Variants in SPTLC2 observed in about 807,000 individuals in gnomAD.
SPTLC2 encodes serine palmitoyltransferase long chain base subunit 2.
In SPTLC2, 21 loss-of-function variants were observed where a neutral mutation model predicts 62.0. The ratio of observed to expected loss-of-function variants is 0.34; its 90% CI spans 0.24 to 0.49. The LOEUF (loss-of-function observed/expected upper bound fraction) is 0.49. Among genes scored for constraint, SPTLC2 ranks in the 20% least tolerant of loss-of-function variants. The pLI, the probability that SPTLC2 is intolerant of heterozygous loss-of-function variation, is 0.99. For synonymous variants in SPTLC2, 261 were observed against 261.8 expected (o/e 1.00, Z 0.03); for missense variants, 511 against 713.0 (o/e 0.72, Z 3.23).
intron 2 of SPTLC2, among the ~76,000 whole-genome samples, chr14:77,593,666 T>C (rs1003234414): frequency 6.6e-6 from 1 of 152,214 alleles, no homozygotes; most frequent in African/African-American, 2.4e-5. Flanking sequence ...ATACGGTATT[T>C]CCTTACATCA....
intron 2 of SPTLC2, among the ~76,000 whole-genome samples, chr14:77,596,846 G>C (rs553649575): frequency 3.3e-5 from 5 of 152,302 alleles, no homozygotes; most frequent in South Asian, 2.1e-4. Flanking sequence ...AAAGAGCAAG[G>C]CTTTTTCACT....
chr14:77,534,361 T>C (rs1594975225), intron 9 of SPTLC2, among the ~76,000 whole-genome samples: 1 of 152,226 alleles, frequency 6.6e-6, no homozygotes, highest in East Asian at 1.9e-4. Context: ...ACATGACAAA[T>C]TCATATTGAT....
At chr14:77,555,075 G>A (rs2079575375) in intron 8 of SPTLC2, 2 of 577,204 alleles carry the variant, frequency 3.5e-6, no homozygotes, top group East Asian at 6.3e-5. Context: ...TCTCAGATCA[G>A]CATGTAGCTT....
At chr14:77,538,107 GCT>G (rs1319544446) in intron 9 of SPTLC2, among the ~76,000 whole-genome samples, 1 of 152,102 alleles carries the variant, frequency 6.6e-6, no homozygotes, top group Non-Finnish European at 1.5e-5. Context: ...ATTCTCTAAT[GCT>G]CTGATTTATA....
rs550104175 is a variant in SPTLC2, at chr14:77,538,556, G to T, written c.1303+13540C>A. Reference sequence around the variant, plus strand: ...TCTTCCTGAATTTCACTTATTAGTAGTTTTAATTTGGTTCTATATAAACTT... The same window carrying T: ...TCTTCCTGAATTTCACTTATTAGTATTTTTAATTTGGTTCTATATAAACTT... On this transcript the variant is annotated intron_variant, in intron 9 of 11. Coordinates refer to ENST00000216484, the MANE Select transcript of SPTLC2 (RefSeq NM_004863.4). 1.1e-4 allele frequency among the ~76,000 whole-genome samples: 17 copies of T among 152,228 alleles called. 1 individual carries two copies. In the East Asian group the frequency reaches 3.1e-3, roughly 28 times the overall value.
chr14:77,602,092 T>C (rs564725717), intron 1 of SPTLC2, among the ~76,000 whole-genome samples: 3 of 141,540 alleles, frequency 2.1e-5, no homozygotes, highest in East Asian at 4.5e-4. Context: ...TCTCCGTGTC[T>C]CTACCCTTCT....
chr14:77,531,352 G>A (rs925451805), intron 9 of SPTLC2, among the ~76,000 whole-genome samples: 2 of 152,042 alleles, frequency 1.3e-5, no homozygotes, highest in Admixed American at 6.6e-5. Flanking sequence ...TCAGGAAGAT[G>A]GTACTCTTCC....
intron 9 of SPTLC2, among the ~76,000 whole-genome samples, chr14:77,529,620 CTTTTTTTT>C (rs71452856): frequency 0.01 from 763 of 76,092 alleles, 22 homozygotes; most frequent in African/African-American, 0.029. Flanking sequence ...TTCTTTCTTT[CTTTTTTTT>C]TTTTTTTTTT....
At chr14:77,611,137 C>CAA (rs71128656) in intron 1 of SPTLC2, among the ~76,000 whole-genome samples, 53,161 of 126,056 alleles carry the variant, frequency 0.42, 10,922 homozygotes, top group East Asian at 0.63. Flanking sequence ...ACTAAAAATA[C>CAA]AAAAAAAAAA....
At chr14:77,608,000 G>A (rs935995373) in intron 1 of SPTLC2, among the ~76,000 whole-genome samples, 8 of 152,174 alleles carry the variant, frequency 5.3e-5, no homozygotes, top group African/African-American at 1.4e-4. Flanking sequence ...GAGCTGACAC[G>A]TTTCCCCTTC....
intron 9 of SPTLC2, among the ~76,000 whole-genome samples, chr14:77,533,264 C>A (rs542439818): frequency 9.0e-5 from 13 of 144,500 alleles, no homozygotes; most frequent in Non-Finnish European, 1.9e-4. Flanking sequence ...TGTGCCATTG[C>A]ACTCTAGCAT....
chr14:77,537,163 C>A (rs1021548335), intron 9 of SPTLC2, among the ~76,000 whole-genome samples: 1 of 151,970 alleles, frequency 6.6e-6, no homozygotes, highest in Admixed American at 6.6e-5. Context: ...CGTGATCTAC[C>A]CGCCTCTGCC....
Position 77,577,326 on chromosome 14 carries a change from AC to A in SPTLC2, c.483-412del, listed in dbSNP as rs2079722311. The stretch of plus-strand genomic sequence containing the variant: ...CCACATCTGTTCTTCAGATACAGAG[AC>A]CAGTGACATTTCATACAATGGAAGC... On this transcript the variant is annotated intron_variant, in intron 3 of 11. Coordinates refer to ENST00000216484, the MANE Select transcript of SPTLC2 (RefSeq NM_004863.4). Among the ~76,000 whole-genome samples, 3 of 152,134 alleles carry A rather than the reference AC, an allele frequency of 2.0e-5. No homozygotes were observed. The South Asian group carries it at 6.2e-4, about 31-fold the overall frequency.
intron 6 of SPTLC2, among the ~76,000 whole-genome samples, chr14:77,559,264 A>C (rs1176354832): frequency 2.0e-5 from 3 of 152,164 alleles, no homozygotes; most frequent in Non-Finnish European, 2.9e-5. Context: ...CGGAGGTTGC[A>C]GTGAGCCAAG....
At chr14:77,583,804 T>C (rs979074651) in intron 2 of SPTLC2, among the ~76,000 whole-genome samples, 5 of 152,108 alleles carry the variant, frequency 3.3e-5, no homozygotes, top group Admixed American at 6.5e-5. Flanking sequence ...TAATAAGTAC[T>C]ATAAAAGAGT....
intron 2 of SPTLC2, among the ~76,000 whole-genome samples, chr14:77,579,733 AAAC>A (rs1221289788): frequency 1.3e-5 from 2 of 152,168 alleles, no homozygotes; most frequent in African/African-American, 2.4e-5. Flanking sequence ...ATAACAGCAA[AAAC>A]AACAACAAAA....
intron 1 of SPTLC2, among the ~76,000 whole-genome samples, chr14:77,605,408 C>T (rs2079900047): frequency 6.6e-6 from 1 of 152,148 alleles, no homozygotes; most frequent in African/African-American, 2.4e-5. Context: ...CAAGCTAGTG[C>T]TTTCACAGTA....
At chr14:77,599,907 A>AAT (rs1308696015) in intron 1 of SPTLC2, among the ~76,000 whole-genome samples, 10 of 152,218 alleles carry the variant, frequency 6.6e-5, no homozygotes, top group African/African-American at 2.4e-4. Flanking sequence ...TGTATCTGAA[A>AAT]ATATTTTGCC....
chr14:77,565,965 CTG>C (rs983214645), intron 5 of SPTLC2, among the ~76,000 whole-genome samples: 3 of 152,114 alleles, frequency 2.0e-5, no homozygotes, highest in African/African-American at 7.2e-5. Flanking sequence ...AAAAGCGAAA[CTG>C]GGGGAGAAAA....
Sources: allele counts gnomAD v4.1 joint callset (sites outside exome capture counted in the v4.1 genomes callset), GRCh38; gene constraint gnomAD v4.1.1; transcripts MANE v1.5; gene names NCBI Gene and HGNC (gene_info 2026-07-23, HGNC 2026-07-21).